POU6F2: variants seen among roughly 807,000 people sequenced by gnomAD.
POU6F2 encodes the protein POU domain, class 6, transcription factor 2.
A neutral mutation model predicts 71.3 loss-of-function variants in POU6F2; 31 were observed. The observed-to-expected ratio is 0.43, with a 90% CI of 0.33 to 0.59. POU6F2 has a LOEUF of 0.59. Among genes scored for constraint, POU6F2 ranks in the 20% least tolerant of loss-of-function variants. The probability of loss-of-function intolerance (pLI) is 0.04; values close to 1 mark genes in which losing one functional copy is unlikely to be tolerated. For synonymous variants in POU6F2, 347 were observed against 355.7 expected, an observed-to-expected ratio of 0.98 and a Z score of 0.27; for missense variants, 783 against 856.8, an observed-to-expected ratio of 0.91 and a Z score of 1.07.
chr7:39,248,219 G>A (rs1314145311), intron 4 of POU6F2, among the ~76,000 whole-genome samples: 5 of 152,162 alleles, frequency 3.3e-5, no homozygotes, highest in African/African-American at 9.7e-5. Flanking sequence ...CAGGATATGG[G>A]ATTAAGATAG....
At chr7:39,278,262 C>T (rs1396178088) in intron 4 of POU6F2, among the ~76,000 whole-genome samples, 1 of 152,100 alleles carries the variant, frequency 6.6e-6, no homozygotes, top group Non-Finnish European at 1.5e-5. Flanking sequence ...TTTGGCATCA[C>T]TGTGATCAGA....
chr7:38,995,148 A>C (rs929978252), intron 1 of POU6F2, among the ~76,000 whole-genome samples: 1 of 152,212 alleles, frequency 6.6e-6, no homozygotes, highest in Non-Finnish European at 1.5e-5. Flanking sequence ...CTTGTGTTTT[A>C]AAAAGGGATC....
intron 2 of POU6F2, among the ~76,000 whole-genome samples, chr7:39,151,290 T>C (rs1792753652): frequency 6.6e-6 from 1 of 152,222 alleles, no homozygotes; most frequent in East Asian, 1.9e-4. Flanking sequence ...GCCTGAGCCA[T>C]GGCACAGTAA....
intron 1 of POU6F2, among the ~76,000 whole-genome samples, chr7:39,072,186 C>G (rs1584528170): frequency 2.0e-5 from 3 of 152,152 alleles, no homozygotes; most frequent in Non-Finnish European, 2.9e-5. Flanking sequence ...AGTGCATGCC[C>G]CTGTGGAGTT....
chr7:39,031,175 A>AAT (rs1789934771), intron 1 of POU6F2, among the ~76,000 whole-genome samples: 1 of 152,068 alleles, frequency 6.6e-6, no homozygotes, highest in Admixed American at 6.5e-5. Context: ...CTGGGATTAC[A>AAT]GGCGTGAGCC....
Position 39,397,392 on chromosome 7 carries a change from CAAAT to C in POU6F2, c.973-9206_973-9203del, listed in dbSNP as rs561508136. Among the ~76,000 whole-genome samples, 818 of 144,242 alleles carry C rather than the reference CAAAT, an allele frequency of 5.7e-3. 6 individuals carry two copies. The highest frequency in any genetic ancestry group is 0.013 in the Admixed American group (184 of 14,382). The allele number at this position is 144,242 out of a possible 152,430, so 94.6% of individuals were successfully genotyped here. On this transcript the variant is annotated intron_variant, in intron 5 of 9. Transcript: ENST00000518318. Reference sequence around the variant, plus strand: ...ATATAGAGAGACAAATATATATAGACAAATATATATATAGACAAAAATATAGAGA... The same window carrying C: ...ATATAGAGAGACAAATATATATAGACATATATATAGACAAAAATATAGAGA...
At chr7:39,030,499 AC>A (rs1210775315) in intron 1 of POU6F2, among the ~76,000 whole-genome samples, 2 of 39,592 alleles carry the variant, frequency 5.1e-5, no homozygotes, top group Non-Finnish European at 5.6e-5. Flanking sequence ...TTCAAAAAAT[AC>A]TATATATATA....
chr7:39,137,557 G>T (rs1199979136), intron 2 of POU6F2, among the ~76,000 whole-genome samples: 1 of 152,268 alleles, frequency 6.6e-6, no homozygotes, highest in Middle Eastern at 3.4e-3. Flanking sequence ...TTACTTAGAG[G>T]ATGGTGGCCT....
At chr7:39,427,240 A>G (rs1172088501) in intron 6 of POU6F2, among the ~76,000 whole-genome samples, 1 of 152,194 alleles carries the variant, frequency 6.6e-6, no homozygotes, top group Non-Finnish European at 1.5e-5. Context: ...TGAAGTGGAC[A>G]TTACTATTCC....
intron 2 of POU6F2, among the ~76,000 whole-genome samples, chr7:39,179,118 G>A (rs768708898): frequency 1.7e-4 from 26 of 152,108 alleles, no homozygotes; most frequent in South Asian, 4.2e-4. Context: ...CCTTATTATA[G>A]CATTATCAGT....
At chr7:39,140,244 C>T (rs1225711450) in intron 2 of POU6F2, among the ~76,000 whole-genome samples, 1 of 152,172 alleles carries the variant, frequency 6.6e-6, no homozygotes, top group Non-Finnish European at 1.5e-5. Flanking sequence ...GGTGTCCCTC[C>T]ACCTCCCAAT....
At chr7:39,224,676 A>G (rs1466797137) in intron 4 of POU6F2, among the ~76,000 whole-genome samples, 74 of 152,370 alleles carry the variant, frequency 4.9e-4, no homozygotes, top group Non-Finnish European at 1.9e-4. Flanking sequence ...ACAGGCAGAA[A>G]AAAAGCAAAA....
At chr7:38,999,279 GGC>G (rs1006842536) in intron 1 of POU6F2, among the ~76,000 whole-genome samples, 271 of 152,154 alleles carry the variant, frequency 1.8e-3, no homozygotes, top group African/African-American at 5.9e-3. Flanking sequence ...TGGAGGCAGG[GGC>G]CATATTTTCC....
intron 1 of POU6F2, among the ~76,000 whole-genome samples, chr7:39,072,242 G>A (rs1790897700): frequency 6.6e-6 from 1 of 152,216 alleles, no homozygotes; most frequent in Non-Finnish European, 1.5e-5. Flanking sequence ...GATTGATTGT[G>A]TAATGAGGCT....
intron 1 of POU6F2, among the ~76,000 whole-genome samples, chr7:39,082,794 G>GCACACACACACACA (rs35710081): frequency 5.8e-5 from 8 of 137,166 alleles, no homozygotes; most frequent in African/African-American, 1.9e-4. Flanking sequence ...ACCATGTCAT[G>GCACACACACACACA]CACACACACA....
At chr7:39,229,897 T>A (rs1794543349) in intron 4 of POU6F2, among the ~76,000 whole-genome samples, 1 of 152,240 alleles carries the variant, frequency 6.6e-6, no homozygotes, top group South Asian at 2.1e-4. Flanking sequence ...AGCTCACGTT[T>A]ATTGAGCACA....
At chr7:39,058,314 T>C (rs988050880) in intron 1 of POU6F2, among the ~76,000 whole-genome samples, 8 of 152,290 alleles carry the variant, frequency 5.3e-5, no homozygotes, top group Admixed American at 2.6e-4. Context: ...AGAGGAACCC[T>C]GATGGGGGTT....
chr7:39,305,050 A>T (rs568922395), intron 4 of POU6F2, among the ~76,000 whole-genome samples: 2 of 152,384 alleles, frequency 1.3e-5, no homozygotes, highest in East Asian at 3.9e-4. Flanking sequence ...TTCTGCAATT[A>T]TGTATACTAT....
chr7:39,180,717 C>T (rs1474821740), intron 2 of POU6F2, among the ~76,000 whole-genome samples: 1 of 152,120 alleles, frequency 6.6e-6, no homozygotes, highest in African/African-American at 2.4e-5. Context: ...CTGTCACTGT[C>T]CTGAAATGCT....
Sources: gnomAD v4.1 joint callset for allele counts (sites outside exome capture counted in the v4.1 genomes callset) on GRCh38, gnomAD v4.1.1 for gene constraint, MANE v1.5 for transcripts, NCBI Gene and HGNC (gene_info 2026-07-23, HGNC 2026-07-21) for gene names.